SNTG1: variants seen among roughly 807,000 people sequenced by gnomAD.
SNTG1 encodes gamma-1-syntrophin.
SNTG1 carries 39 observed loss-of-function variants against 74.7 expected under a neutral mutation model. That is an observed-to-expected ratio of 0.52 (90% CI 0.40 to 0.68). The LOEUF (loss-of-function observed/expected upper bound fraction) is 0.68, where lower values mean the gene tolerates loss of function less well. Among genes scored for constraint, SNTG1 ranks in the 30% least tolerant of loss-of-function variants. The pLI, the probability that SNTG1 is intolerant of heterozygous loss-of-function variation, is 0.00. For synonymous variants in SNTG1, 254 were observed against 217.1 expected, an observed-to-expected ratio of 1.17 and a Z score of -1.49; for missense variants, 685 against 609.5, an observed-to-expected ratio of 1.12 and a Z score of -1.30.
chr8:50,518,296 C>T (rs1333876674), intron 9 of SNTG1, among the ~76,000 whole-genome samples: 1 of 152,176 alleles, frequency 6.6e-6, no homozygotes, highest in East Asian at 1.9e-4. Flanking sequence ...GTCTGGGACA[C>T]AGCTAAAGTA....
At chr8:49,971,194 G>A (rs963381016) in intron 1 of SNTG1, among the ~76,000 whole-genome samples, 3 of 152,100 alleles carry the variant, frequency 2.0e-5, no homozygotes, top group African/African-American at 7.2e-5. Flanking sequence ...CTTCATCCCT[G>A]GTTTGCAAGG....
chr8:50,052,869 CT>C (rs1303775970), intron 1 of SNTG1, among the ~76,000 whole-genome samples: 1 of 152,138 alleles, frequency 6.6e-6, no homozygotes, highest in Non-Finnish European at 1.5e-5. Flanking sequence ...TGAGCTATCA[CT>C]TTATGTCCAC....
chr8:50,157,842 G>A (rs1174761044), intron 1 of SNTG1, among the ~76,000 whole-genome samples: 2 of 152,080 alleles, frequency 1.3e-5, no homozygotes, highest in Admixed American at 6.6e-5. Flanking sequence ...CCATAGAATC[G>A]AGAATGTTAT....
Position 50,793,122 on chromosome 8 carries a change from T to G in SNTG1, c.*293T>G, listed in dbSNP as rs891764332. On this transcript the variant is annotated 3_prime_UTR_variant, in exon 19 of 19. Coordinates refer to ENST00000642720, the MANE Select transcript of SNTG1 (RefSeq NM_018967.5). ...AAAGAATAAATTATTTGAAGAAGTA[T>G]GTAAATAACATAAAAATAGTAAGCT... The G allele has an allele frequency of 2.5e-5, 6 of 235,740 alleles. No individual in the cohort carries two copies. The highest frequency in any genetic ancestry group is 5.6e-5 in the Admixed American group (1 of 17,870). The allele number at this position is 235,740 out of a possible 1,614,324, so 14.6% of individuals were successfully genotyped here. A position where few individuals can be genotyped will look rare whatever the true frequency, so the allele number is the denominator to read the frequency against.
chr8:50,355,248 T>C (rs1179030050), intron 2 of SNTG1, among the ~76,000 whole-genome samples: 2 of 129,218 alleles, frequency 1.5e-5, no homozygotes, highest in Admixed American at 7.1e-5. Flanking sequence ...ATTAAATAAT[T>C]AATTAATTAA....
chr8:50,385,987 T>C (rs1338677956), intron 2 of SNTG1, among the ~76,000 whole-genome samples: 1 of 152,198 alleles, frequency 6.6e-6, no homozygotes, highest in East Asian at 1.9e-4. Flanking sequence ...AGTAATAAAG[T>C]CTACAATATC....
chr8:50,067,868 G>T (rs1253475350), intron 1 of SNTG1, among the ~76,000 whole-genome samples: 1 of 152,178 alleles, frequency 6.6e-6, no homozygotes, highest in Non-Finnish European at 1.5e-5. Flanking sequence ...GCTGGGGCCT[G>T]TTGCAGGGTC....
At chr8:50,203,693 T>TA (rs1452105994) in intron 2 of SNTG1, among the ~76,000 whole-genome samples, 1 of 152,118 alleles carries the variant, frequency 6.6e-6, no homozygotes, top group Admixed American at 6.6e-5. Flanking sequence ...TTCGTATTAA[T>TA]ACAAAATTTC....
At chr8:50,178,056 T>G (rs1301509064) in intron 2 of SNTG1, among the ~76,000 whole-genome samples, 1 of 152,310 alleles carries the variant, frequency 6.6e-6, no homozygotes, top group South Asian at 2.1e-4. Flanking sequence ...AGCTGATTTT[T>G]TTCCTAAAAA....
At chr8:50,261,189 A>G (rs374613166) in intron 2 of SNTG1, among the ~76,000 whole-genome samples, 1 of 152,222 alleles carries the variant, frequency 6.6e-6, no homozygotes, top group African/African-American at 2.4e-5. Flanking sequence ...CAGATGAGCA[A>G]GGATAATAAT....
intron 1 of SNTG1, among the ~76,000 whole-genome samples, chr8:50,118,054 C>T (rs1187295053): frequency 1.3e-5 from 2 of 152,238 alleles, no homozygotes; most frequent in Non-Finnish European, 1.5e-5. Context: ...CACCTACTTG[C>T]TTCTCTATTT....
At chr8:50,622,991 G>A (rs1203253134) in intron 13 of SNTG1, among the ~76,000 whole-genome samples, 1 of 152,038 alleles carries the variant, frequency 6.6e-6, no homozygotes, top group Admixed American at 6.6e-5. Context: ...GCACAGAAAT[G>A]CGACTGACTT....
At chr8:50,077,551 T>C (rs1468919681) in intron 1 of SNTG1, among the ~76,000 whole-genome samples, 1 of 152,220 alleles carries the variant, frequency 6.6e-6, no homozygotes. Context: ...ATTTGTCTAA[T>C]TTGTGCATTT....
intron 18 of SNTG1, among the ~76,000 whole-genome samples, chr8:50,769,145 AG>A (rs1428226155): frequency 7.2e-4 from 109 of 151,836 alleles, no homozygotes; most frequent in African/African-American, 2.4e-3. Flanking sequence ...GTTTGTGTTA[AG>A]AGTACTCTGT....
At chr8:49,987,326 A>C (rs544909299) in intron 1 of SNTG1, among the ~76,000 whole-genome samples, 16 of 152,342 alleles carry the variant, frequency 1.1e-4, no homozygotes, top group African/African-American at 3.6e-4. Flanking sequence ...AATGTGAAAC[A>C]ACCATAAAAA....
At chr8:50,039,983 T>C (rs1388871692) in intron 1 of SNTG1, among the ~76,000 whole-genome samples, 1 of 152,040 alleles carries the variant, frequency 6.6e-6, no homozygotes, top group Non-Finnish European at 1.5e-5. Context: ...GAGGAAGGTG[T>C]CCAAGGGGCA....
At chr8:50,762,200 T>C (rs2095600875) in intron 18 of SNTG1, among the ~76,000 whole-genome samples, 1 of 151,982 alleles carries the variant, frequency 6.6e-6, no homozygotes, top group African/African-American at 2.4e-5. Context: ...TTTAAGATGG[T>C]ACTCAGCGTC....
chr8:50,480,281 A>AT (rs1367074630), intron 8 of SNTG1, among the ~76,000 whole-genome samples: 1 of 143,260 alleles, frequency 7.0e-6, no homozygotes, highest in African/African-American at 2.5e-5. Flanking sequence ...CTTTTTTGAG[A>AT]TTTTTTCCAA....
intron 17 of SNTG1, among the ~76,000 whole-genome samples, chr8:50,749,073 C>T (rs577635453): frequency 6.6e-5 from 10 of 151,988 alleles, no homozygotes; most frequent in African/African-American, 2.4e-4. Flanking sequence ...CTGTGACAAA[C>T]AGTTAAGCAA....
Sources: gnomAD v4.1 joint callset for allele counts (sites outside exome capture counted in the v4.1 genomes callset) on GRCh38, gnomAD v4.1.1 for gene constraint, MANE v1.5 for transcripts, NCBI Gene and HGNC (gene_info 2026-07-23, HGNC 2026-07-21) for gene names.